Variants in LRP1B observed in about 807,000 individuals in gnomAD.
LRP1B encodes the protein low-density lipoprotein receptor-related protein 1B.
Under a neutral mutation model 556.6 loss-of-function variants are expected in LRP1B, and 217 were observed. That is an observed-to-expected ratio of 0.39 (90% confidence interval 0.35 to 0.44). The LOEUF (loss-of-function observed/expected upper bound fraction) is 0.44. Among genes scored for constraint, LRP1B ranks in the 20% least tolerant of loss-of-function variants. The pLI is 1.00. For missense variants in LRP1B, 5,053 were observed against 5,620.8 expected (o/e 0.90, Z 3.23); for synonymous variants, 2,047 against 1,865.8 (o/e 1.10, Z -2.50).
At chr2:140,919,383 G>A (rs1694672919) in intron 21 of LRP1B, among the ~76,000 whole-genome samples, 1 of 152,024 alleles carries the variant, frequency 6.6e-6, no homozygotes, top group Admixed American at 6.6e-5. Flanking sequence ...CAGAAGTTCA[G>A]CTCAATTGCA....
At chr2:141,639,448 CT>C (rs1317825600) in intron 2 of LRP1B, among the ~76,000 whole-genome samples, 4 of 144,798 alleles carry the variant, frequency 2.8e-5, no homozygotes, top group Non-Finnish European at 6.0e-5. Context: ...GAGTCTCACT[CT>C]GTCACCCAGG....
intron 2 of LRP1B, among the ~76,000 whole-genome samples, chr2:141,553,397 A>G (rs968705622): frequency 6.6e-6 from 1 of 151,714 alleles, no homozygotes; most frequent in African/African-American, 2.4e-5. Flanking sequence ...TAAAGAGAAT[A>G]GTCTCCTGGG....
At chr2:140,679,513 T>G (rs1362232112) in intron 41 of LRP1B, among the ~76,000 whole-genome samples, 1 of 152,190 alleles carries the variant, frequency 6.6e-6, no homozygotes, top group African/African-American at 2.4e-5. Flanking sequence ...TATTCATTGT[T>G]TTTTACCAGT....
intron 43 of LRP1B, among the ~76,000 whole-genome samples, chr2:140,571,455 G>T (rs1269076635): frequency 1.5e-4 from 22 of 151,610 alleles, no homozygotes; most frequent in Admixed American, 1.4e-3. Flanking sequence ...TTTAACCAAA[G>T]AAGTGAAATA....
chr2:141,002,634 T>C (rs1233801089), intron 15 of LRP1B, among the ~76,000 whole-genome samples: 1 of 152,074 alleles, frequency 6.6e-6, no homozygotes, highest in African/African-American at 2.4e-5. Flanking sequence ...TAGGAAATAA[T>C]TACAAGAAAG....
intron 12 of LRP1B, among the ~76,000 whole-genome samples, chr2:141,017,417 T>TA (rs1697934479): frequency 1.3e-5 from 2 of 149,242 alleles, no homozygotes; most frequent in Non-Finnish European, 3.0e-5. Context: ...TGGCAACATG[T>TA]TTTTTTTTTC....
chr2:141,978,449 TTA>T (rs1477939981), intron 1 of LRP1B, among the ~76,000 whole-genome samples: 1 of 152,062 alleles, frequency 6.6e-6, no homozygotes, highest in Non-Finnish European at 1.5e-5. Flanking sequence ...AATTAATAAC[TTA>T]TAGAGTTTAA....
At chr2:140,927,378 A>G (rs553784183) in intron 20 of LRP1B, among the ~76,000 whole-genome samples, 8 of 152,274 alleles carry the variant, frequency 5.3e-5, no homozygotes, top group African/African-American at 1.7e-4. Context: ...GCAGTTACGC[A>G]CATGATAAGT....
At chr2:140,805,312 T>C (rs1690673094) in intron 32 of LRP1B, among the ~76,000 whole-genome samples, 1 of 152,198 alleles carries the variant, frequency 6.6e-6, no homozygotes, top group South Asian at 2.1e-4. Flanking sequence ...CTTAAATATC[T>C]ATGGAAATTG....
At chr2:140,436,102 A>G (rs1686168537) in intron 66 of LRP1B, among the ~76,000 whole-genome samples, 1 of 152,150 alleles carries the variant, frequency 6.6e-6, no homozygotes, top group African/African-American at 2.4e-5. Context: ...TGGATGAAAG[A>G]AAAACACATG....
intron 1 of LRP1B, among the ~76,000 whole-genome samples, chr2:141,832,327 TCACACACACA>T (rs869062999): frequency 2.4e-4 from 34 of 143,962 alleles, no homozygotes; most frequent in African/African-American, 5.2e-4. Context: ...TCTTTCTCTC[TCACACACACA>T]CACACACACA....
At chr2:140,377,167 C>G (rs1458861539) in intron 68 of LRP1B, among the ~76,000 whole-genome samples, 1 of 152,104 alleles carries the variant, frequency 6.6e-6, no homozygotes, top group African/African-American at 2.4e-5. Flanking sequence ...TTTCTGGCTC[C>G]CAGGTTCAAG....
intron 2 of LRP1B, among the ~76,000 whole-genome samples, chr2:141,724,504 T>A (rs750366749): frequency 6.6e-5 from 10 of 151,948 alleles, no homozygotes; most frequent in Non-Finnish European, 1.5e-4. Context: ...TAGTGCCTGT[T>A]CTGTGCCAGG....
intron 3 of LRP1B, among the ~76,000 whole-genome samples, chr2:141,401,678 A>G (rs1244104770): frequency 6.6e-6 from 1 of 152,216 alleles, no homozygotes; most frequent in Non-Finnish European, 1.5e-5. Context: ...ATGGATTTCT[A>G]AAATGTGTAT....
chr2:141,914,430 C>T (rs1699980826), intron 1 of LRP1B, among the ~76,000 whole-genome samples: 1 of 152,068 alleles, frequency 6.6e-6, no homozygotes, highest in Admixed American at 6.5e-5. Context: ...CTTGAAGTGC[C>T]AGATATAAAG....
intron 43 of LRP1B, among the ~76,000 whole-genome samples, chr2:140,595,686 G>C (rs983911607): frequency 2.0e-5 from 3 of 152,016 alleles, no homozygotes; most frequent in Admixed American, 1.3e-4. Context: ...TAAAGTATAA[G>C]AGCTTTGATT....
chr2:141,763,365 T>C (rs966660054), intron 2 of LRP1B, among the ~76,000 whole-genome samples: 5 of 152,126 alleles, frequency 3.3e-5, no homozygotes, highest in Non-Finnish European at 5.9e-5. Flanking sequence ...TGAAAGAGAT[T>C]ATTGGGCTTA....
intron 3 of LRP1B, among the ~76,000 whole-genome samples, chr2:141,410,102 A>T (rs1251223293): frequency 6.6e-6 from 1 of 152,090 alleles, no homozygotes; most frequent in Admixed American, 6.5e-5. Flanking sequence ...CCAACCTATC[A>T]TACTATAGAT....
chr2:141,994,402 C>T (rs538354268), intron 1 of LRP1B, among the ~76,000 whole-genome samples: 49 of 152,220 alleles, frequency 3.2e-4, no homozygotes, highest in African/African-American at 1.1e-3. Context: ...TCACGAAAGT[C>T]GATCGTGCTT....
Sources: allele counts gnomAD v4.1 joint callset (sites outside exome capture counted in the v4.1 genomes callset), GRCh38; gene constraint gnomAD v4.1.1; transcripts MANE v1.5; gene names NCBI Gene and HGNC (gene_info 2026-07-23, HGNC 2026-07-21).